GRM8: variants seen among roughly 807,000 people sequenced by gnomAD.
GRM8 encodes the protein glutamate metabotropic receptor 8.
A neutral mutation model predicts 87.2 loss-of-function variants in GRM8; 47 were observed. That is an observed-to-expected ratio of 0.54 (90% CI 0.43 to 0.69). The LOEUF (loss-of-function observed/expected upper bound fraction) is 0.69. GRM8 is among the 30% of genes least tolerant of loss of function. The pLI, the probability that GRM8 is intolerant of heterozygous loss-of-function variation, is 0.00. For synonymous variants in GRM8, 396 were observed against 404.5 expected (o/e 0.98, Z 0.25); for missense variants, 1,019 against 1,139.2 (o/e 0.89, Z 1.52).
intron 2 of GRM8, among the ~76,000 whole-genome samples, chr7:127,187,794 T>C (rs1794817013): frequency 6.6e-6 from 1 of 152,174 alleles, no homozygotes; most frequent in African/African-American, 2.4e-5. Context: ...TTTTCTCCAA[T>C]ACAATATCTT....
intron 2 of GRM8, among the ~76,000 whole-genome samples, chr7:127,166,891 G>A (rs1176233036): frequency 2.6e-5 from 4 of 152,008 alleles, no homozygotes; most frequent in Non-Finnish European, 4.4e-5. Context: ...GTGCCCTCTG[G>A]TGTAACTTAT....
intron 3 of GRM8, among the ~76,000 whole-genome samples, chr7:126,956,749 CA>C (rs1808729802): frequency 6.6e-6 from 1 of 152,086 alleles, no homozygotes; most frequent in Non-Finnish European, 1.5e-5. Context: ...ACAATAAGCA[CA>C]AAATAGGAAG....
intron 8 of GRM8, among the ~76,000 whole-genome samples, chr7:126,554,523 G>A (rs960344094): frequency 1.3e-5 from 2 of 152,080 alleles, no homozygotes; most frequent in Non-Finnish European, 2.9e-5. Flanking sequence ...AGCCCAGGAG[G>A]TTGAGGCTGC....
At chr7:126,622,384 T>C (rs75813012) in intron 7 of GRM8, among the ~76,000 whole-genome samples, 2,646 of 152,254 alleles carry the variant, frequency 0.017, 89 homozygotes, top group African/African-American at 0.06. Context: ...TCATGACTTA[T>C]TCTCATCCCT....
chr7:126,799,117 C>T lies in GRM8; in HGVS notation c.1157-29052G>A, dbSNP rs184741155. On this transcript the variant is annotated intron_variant, in intron 6 of 10. Transcript: ENST00000339582. ...GTAGACACTCTCATCTCTTGCTGCC[C>T]GAAGTGTGATCTATGGACCAGCAGC... 3.8e-3 allele frequency among the ~76,000 whole-genome samples: 577 copies of T among 152,010 alleles called. 3 individuals carry two copies. Among genetic ancestry groups the T allele is most frequent in the Middle Eastern group, 0.01 (3 of 294 alleles).
intron 3 of GRM8, among the ~76,000 whole-genome samples, chr7:127,017,675 T>C (rs895993111): frequency 2.0e-5 from 3 of 151,828 alleles, no homozygotes; most frequent in Non-Finnish European, 4.4e-5. Flanking sequence ...GCATTCCAGT[T>C]AAAAAGCAGT....
At chr7:127,095,619 C>T (rs2132957136) in intron 3 of GRM8, 1 of 152,282 alleles carries the variant, frequency 6.6e-6, no homozygotes, top group Admixed American at 6.5e-5. Context: ...TGTGTTTCTA[C>T]TCAAGTTGTC....
chr7:127,086,890 GA>G (rs1213085836), intron 3 of GRM8, among the ~76,000 whole-genome samples: 3 of 152,218 alleles, frequency 2.0e-5, no homozygotes, highest in African/African-American at 4.8e-5. Context: ...GCAAGGGAGA[GA>G]AAAGCTGAAC....
Position 126,903,977 on chromosome 7 carries a change from A to T in GRM8, c.1013T>A (p.Ile338Asn), listed in dbSNP as rs150900018. The T allele has an allele frequency of 8.8e-5, 130 of 1,479,290 alleles. No individual in the cohort carries two copies. The African/African-American group carries it at 1.8e-3, about 20-fold the overall frequency. The allele number at this position is 1,479,290 out of a possible 1,614,324, so 91.6% of individuals were successfully genotyped here. The part of the protein sequence containing the change: ...AVTILPKRAS[I>N]DGFDRYFRSR... ...TCTCTATGGTGCATTCTTACCATCA[A>T]TTGATGCTCGTTTGGGCAAAATTGT... Residue 338 changes from isoleucine (I) to asparagine (N), a missense_variant, in exon 5 of 11, where the codon ATT (isoleucine) becomes AAT (asparagine). By Grantham distance (149) the Ile-to-Asn change is moderately radical. Transcript: ENST00000339582.
In GRM8 at chr7:126,783,626, C is replaced by T. The variant is rs1585915774; in HGVS notation, c.1157-13561G>A. ...CAAAATAAAGAAAACATGTAGAAATCAAGTTCATTGCAAATAGTAACAAAT... is the reference window on the plus strand; with the variant it reads ...CAAAATAAAGAAAACATGTAGAAATTAAGTTCATTGCAAATAGTAACAAAT... On this transcript the variant is annotated intron_variant, in intron 6 of 10. Transcript: ENST00000339582. Among the ~76,000 whole-genome samples the T allele has an allele frequency of 2.6e-5, 4 of 152,260 alleles. No individual in the cohort carries two copies. The South Asian group carries it at 6.2e-4, about 24-fold the overall frequency.
At chr7:126,669,148 C>G (rs1013700748) in intron 7 of GRM8, among the ~76,000 whole-genome samples, 8 of 152,080 alleles carry the variant, frequency 5.3e-5, no homozygotes, top group Non-Finnish European at 7.4e-5. Context: ...AGGGGAACAT[C>G]ACACACCCGG....
chr7:126,589,331 G>A (rs905817783), intron 8 of GRM8, among the ~76,000 whole-genome samples: 6 of 152,014 alleles, frequency 3.9e-5, no homozygotes, highest in African/African-American at 1.5e-4. Flanking sequence ...ATGGGAGCCG[G>A]GTGAGGCCTG....
intron 7 of GRM8, among the ~76,000 whole-genome samples, chr7:126,683,835 T>C (rs1332566903): frequency 6.6e-6 from 1 of 152,218 alleles, no homozygotes; most frequent in East Asian, 1.9e-4. Flanking sequence ...CCATGAGTGA[T>C]GAGTTAATAG....
intron 2 of GRM8, among the ~76,000 whole-genome samples, chr7:127,127,090 A>G (rs1332774072): frequency 6.6e-6 from 1 of 152,070 alleles, no homozygotes; most frequent in Non-Finnish European, 1.5e-5. Context: ...AATGATGTGA[A>G]GCAACTTAAA....
chr7:126,456,014 T>C (rs1436816997), intron 9 of GRM8, among the ~76,000 whole-genome samples: 1 of 151,608 alleles, frequency 6.6e-6, no homozygotes, highest in Non-Finnish European at 1.5e-5. Flanking sequence ...AACAAATCCA[T>C]AAAAATATCA....
At chr7:126,589,789 G>A (rs1389652078) in intron 8 of GRM8, among the ~76,000 whole-genome samples, 1 of 152,068 alleles carries the variant, frequency 6.6e-6, no homozygotes, top group Non-Finnish European at 1.5e-5. Context: ...ACAGAAAGAT[G>A]GTTCACATCA....
At chr7:126,982,703 A>G (rs770071877) in intron 3 of GRM8, among the ~76,000 whole-genome samples, 4 of 152,242 alleles carry the variant, frequency 2.6e-5, no homozygotes, top group Admixed American at 6.5e-5. Flanking sequence ...AGGAAGAAAT[A>G]TGACAATTAC....
chr7:126,920,237 T>A (rs1804375177), intron 3 of GRM8, among the ~76,000 whole-genome samples: 1 of 152,196 alleles, frequency 6.6e-6, no homozygotes, highest in African/African-American at 2.4e-5. Context: ...GCTAACATCC[T>A]AATCTCAGAC....
chr7:126,518,592 C>T (rs933899480), intron 9 of GRM8, among the ~76,000 whole-genome samples: 3 of 151,984 alleles, frequency 2.0e-5, no homozygotes, highest in South Asian at 4.1e-4. Context: ...CTGGATCATA[C>T]GTTTGTATCA....
Sources: gnomAD v4.1 joint callset for allele counts (sites outside exome capture counted in the v4.1 genomes callset) on GRCh38, gnomAD v4.1.1 for gene constraint, MANE v1.5 for transcripts, NCBI Gene and HGNC (gene_info 2026-07-23, HGNC 2026-07-21) for gene names.